Variants in AMBRA1 observed in about 807,000 individuals in gnomAD.
AMBRA1 encodes the protein activating molecule in BECN1-regulated autophagy protein 1.
In AMBRA1, 47 loss-of-function variants were observed where a neutral mutation model predicts 125.4. The observed-to-expected ratio is 0.37, with a 90% CI of 0.30 to 0.48. AMBRA1 has a LOEUF of 0.48. AMBRA1 is among the 20% of genes least tolerant of loss of function. AMBRA1 has a pLI of 0.99. For synonymous variants in AMBRA1, 626 were observed against 655.5 expected (o/e 0.95, Z 0.69); for missense variants, 1,331 against 1,693.4 (o/e 0.79, Z 3.76).
chr11:46,545,663 G>A lies in AMBRA1; in HGVS notation c.492C>T (p.Asp164=). ...CAGCAAAGGGTTCCCGTCGACTCCA[G>A]TCCCAGAAGTGGATCTCATTGGCAG... ...IATANEIHFW[D]WSRREPFAVV... is the part of the protein sequence containing the mutation. The change falls in exon 5 of 18, where the codon GAC becomes GAT. Residue 164 remains aspartate, a synonymous_variant. Coordinates refer to ENST00000683756, the MANE Select transcript of AMBRA1 (RefSeq NM_001387011.1). The A allele has an allele frequency of 6.2e-7, 1 of 1,614,170 alleles. No homozygotes were observed. Among genetic ancestry groups the A allele is most frequent in the South Asian group, 1.1e-5 (1 of 91,082 alleles).
At chr11:46,558,819 T>C (rs559492925) in intron 1 of AMBRA1, among the ~76,000 whole-genome samples, 2 of 152,260 alleles carry the variant, frequency 1.3e-5, no homozygotes, top group African/African-American at 4.8e-5. Flanking sequence ...TCTGTCATAG[T>C]CCCAGTACCT....
At chr11:46,569,437 AAAAATATATAT>A (rs1565308151) in intron 1 of AMBRA1, among the ~76,000 whole-genome samples, 2 of 135,440 alleles carry the variant, frequency 1.5e-5, no homozygotes, top group African/African-American at 5.8e-5. Context: ...TTAAAAAAAA[AAAAATATATAT>A]ATATATATAT....
chr11:46,400,523 G>A (rs529366547), intron 17 of AMBRA1, among the ~76,000 whole-genome samples: 5 of 108,740 alleles, frequency 4.6e-5, no homozygotes, highest in African/African-American at 1.1e-4. Context: ...ACCAGGTCTC[G>A]CTATGTCACC....
At chr11:46,445,074 A>C (rs1948213318) in intron 11 of AMBRA1, among the ~76,000 whole-genome samples, 3 of 151,670 alleles carry the variant, frequency 2.0e-5, no homozygotes, top group South Asian at 2.1e-4. Context: ...AGAAAAACAA[A>C]AAAAAAAAAA....
Position 46,417,895 on chromosome 11 carries a change from AC to A in AMBRA1, c.3116+17del, listed in dbSNP as rs770920081. 1 of 1,593,574 alleles carries A rather than the reference AC, an allele frequency of 6.3e-7. No individual in the cohort carries two copies. Among genetic ancestry groups the A allele is most frequent in the Non-Finnish European group, 8.6e-7 (1 of 1,165,546 alleles). ...CGGCCCCAGTGATCCCTCAACCCCC[AC>A]ACTTTAAGCCACTTACTCTGGTCGG... On this transcript the variant is annotated intron_variant, in intron 15 of 17. Coordinates refer to ENST00000683756, the MANE Select transcript of AMBRA1 (RefSeq NM_001387011.1).
chr11:46,488,348 CAGGAGGCTG>C (rs1190676038), intron 11 of AMBRA1, among the ~76,000 whole-genome samples: 1 of 151,866 alleles, frequency 6.6e-6, no homozygotes, highest in Non-Finnish European at 1.5e-5. Flanking sequence ...CTCAGCTACT[CAGGAGGCTG>C]AGGCAGGAGA....
intron 14 of AMBRA1, among the ~76,000 whole-genome samples, chr11:46,429,429 C>T (rs1004005689): frequency 1.3e-5 from 2 of 152,206 alleles, no homozygotes; most frequent in Non-Finnish European, 2.9e-5. Flanking sequence ...ACAATCCCCA[C>T]TTATTGGGAG....
chr11:46,591,803 G>C (rs2044606438), intron 1 of AMBRA1, among the ~76,000 whole-genome samples: 1 of 151,648 alleles, frequency 6.6e-6, no homozygotes, highest in Admixed American at 6.6e-5. Context: ...TTTGCAGTGA[G>C]CCGAGATCGC....
At chr11:46,444,561 A>C (rs1948184209) in intron 11 of AMBRA1, among the ~76,000 whole-genome samples, 1 of 152,216 alleles carries the variant, frequency 6.6e-6, no homozygotes, top group Non-Finnish European at 1.5e-5. Flanking sequence ...TAGCTAACCT[A>C]AATGGTATTC....
chr11:46,471,527 G>A lies in AMBRA1; in HGVS notation c.2521+22081C>T, dbSNP rs1234400676. On this transcript the variant is annotated intron_variant, in intron 11 of 17. Coordinates refer to ENST00000683756, the MANE Select transcript of AMBRA1 (RefSeq NM_001387011.1). ...TGGGAGATGGAGGTTGCAGTGAGCC[G>A]AGATCGCCCCACTGCACTCCAGCCT... 4.0e-5 allele frequency among the ~76,000 whole-genome samples: 6 copies of A among 151,522 alleles called. No homozygotes were observed. In the South Asian group the frequency reaches 6.3e-4, roughly 16 times the overall value.
Position 46,522,587 on chromosome 11 carries a change from GGAT to G in AMBRA1, c.2073-9777_2073-9775del, listed in dbSNP as rs1472006878. 2.6e-5 allele frequency among the ~76,000 whole-genome samples: 4 copies of G among 152,200 alleles called. No individual in the cohort carries two copies. In the East Asian group the frequency reaches 7.7e-4, roughly 29 times the overall value. On this transcript the variant is annotated intron_variant, in intron 7 of 17. Coordinates refer to ENST00000683756, the MANE Select transcript of AMBRA1 (RefSeq NM_001387011.1). ...ACATGCCCCCTACATGCAACAGGTG[GGAT>G]ATATAGGGTTTAGAATTTAAGAGGC...
At chr11:46,488,429 G>GAT (rs1950337083) in intron 11 of AMBRA1, among the ~76,000 whole-genome samples, 1 of 151,598 alleles carries the variant, frequency 6.6e-6, no homozygotes, top group Non-Finnish European at 1.5e-5. Context: ...GGGCAACAGA[G>GAT]CGAGGCTCTG....
intron 11 of AMBRA1, among the ~76,000 whole-genome samples, chr11:46,465,464 G>A (rs901442655): frequency 6.6e-6 from 1 of 152,128 alleles, no homozygotes; most frequent in Non-Finnish European, 1.5e-5. Context: ...TCTTAGTGTA[G>A]GGTCTAAGTT....
intron 1 of AMBRA1, among the ~76,000 whole-genome samples, chr11:46,585,665 C>CA (rs1157368065): frequency 0.01 from 77 of 7,596 alleles, 13 homozygotes; most frequent in South Asian, 0.019. Flanking sequence ...GACTCCATCT[C>CA]AAAAAAAAAA....
At chr11:46,422,901 G>A (rs1019287661) in intron 14 of AMBRA1, among the ~76,000 whole-genome samples, 4 of 152,186 alleles carry the variant, frequency 2.6e-5, no homozygotes, top group Non-Finnish European at 4.4e-5. Flanking sequence ...TGGAGGAAGC[G>A]GACAACTGGA....
At chr11:46,411,350 T>TA (rs1292741140) in intron 15 of AMBRA1, among the ~76,000 whole-genome samples, 2 of 152,206 alleles carry the variant, frequency 1.3e-5, no homozygotes, top group Non-Finnish European at 2.9e-5. Flanking sequence ...GGGTGTTGGC[T>TA]AGGACAGAGA....
chr11:46,478,834 T>C (rs1334156114), intron 11 of AMBRA1, among the ~76,000 whole-genome samples: 3 of 152,004 alleles, frequency 2.0e-5, no homozygotes, highest in African/African-American at 7.2e-5. Flanking sequence ...TTCTTGAAAG[T>C]TCTAAATCTG....
chr11:46,452,442 C>T (rs974528838), intron 11 of AMBRA1, among the ~76,000 whole-genome samples: 1 of 152,078 alleles, frequency 6.6e-6, no homozygotes, highest in Non-Finnish European at 1.5e-5. Flanking sequence ...CTCAGACTTC[C>T]CAGTAACTAG....
At chr11:46,428,227 C>G (rs1191231049) in intron 14 of AMBRA1, among the ~76,000 whole-genome samples, 1 of 152,016 alleles carries the variant, frequency 6.6e-6, no homozygotes, top group Non-Finnish European at 1.5e-5. Context: ...GAGATGGATA[C>G]TTTCTTTTCA....
Sources: allele counts gnomAD v4.1 joint callset (sites outside exome capture counted in the v4.1 genomes callset), GRCh38; gene constraint gnomAD v4.1.1; transcripts MANE v1.5; gene names NCBI Gene and HGNC (gene_info 2026-07-23, HGNC 2026-07-21).